The following GLI3 variants were observed in gnomAD, a reference collection of about 807,000 sequenced individuals.
The protein encoded by GLI3 is transcription activator GLI3.
A neutral mutation model predicts 100.8 loss-of-function variants in GLI3; 20 were observed. That is an observed-to-expected ratio of 0.20 (90% CI 0.14 to 0.29). The LOEUF is 0.29. GLI3 is among the 10% of genes least tolerant of loss of function. GLI3 has a pLI of 1.00. For missense variants in GLI3, 2,040 were observed against 2,128.5 expected, an observed-to-expected ratio of 0.96 and a Z score of 0.82; for synonymous variants, 938 against 860.5, an observed-to-expected ratio of 1.09 and a Z score of -1.58.
intron 10 of GLI3, among the ~76,000 whole-genome samples, chr7:42,004,861 T>C (rs2128723102): frequency 6.6e-6 from 1 of 152,338 alleles, no homozygotes; most frequent in South Asian, 2.1e-4. Context: ...GTATATTCTT[T>C]TAAATTTAGT....
chr7:42,261,738 G>A (rs184820138), intron 1 of GLI3, among the ~76,000 whole-genome samples: 6 of 152,332 alleles, frequency 3.9e-5, no homozygotes, highest in African/African-American at 9.6e-5. Flanking sequence ...GATTATAGGT[G>A]CCCTGCAAAG....
At chr7:42,170,648 C>G (rs548068167) in intron 2 of GLI3, among the ~76,000 whole-genome samples, 1 of 151,916 alleles carries the variant, frequency 6.6e-6, no homozygotes, top group African/African-American at 2.4e-5. Context: ...GTGATCCACC[C>G]GCCTTGGCCT....
intron 3 of GLI3, chr7:42,145,258 T>C (rs756751487): frequency 1.5e-5 from 4 of 258,804 alleles, no homozygotes; most frequent in African/African-American, 2.2e-5. Context: ...ATATCCCATA[T>C]GATGCTGAGG....
intron 3 of GLI3, among the ~76,000 whole-genome samples, chr7:42,083,858 A>G (rs1239253343): frequency 6.6e-6 from 1 of 152,242 alleles, no homozygotes; most frequent in Non-Finnish European, 1.5e-5. Flanking sequence ...ACAAGTAGAC[A>G]AATTTCAAGA....
intron 10 of GLI3, among the ~76,000 whole-genome samples, chr7:42,007,938 T>A (rs1006332520): frequency 1.3e-5 from 2 of 152,306 alleles, no homozygotes; most frequent in African/African-American, 4.8e-5. Flanking sequence ...AGTCTTGACC[T>A]AGATGGAGAG....
At chr7:42,191,108 A>C (rs1018180110) in intron 2 of GLI3, among the ~76,000 whole-genome samples, 6 of 152,196 alleles carry the variant, frequency 3.9e-5, no homozygotes, top group African/African-American at 1.4e-4. Flanking sequence ...TCAATGTTAC[A>C]TAAAACAGAA....
At chr7:42,067,512 G>C (rs1157336572) in intron 4 of GLI3, among the ~76,000 whole-genome samples, 1 of 152,148 alleles carries the variant, frequency 6.6e-6, no homozygotes, top group Non-Finnish European at 1.5e-5. Context: ...TGGTGAACTT[G>C]GCAATATTTG....
intron 2 of GLI3, among the ~76,000 whole-genome samples, chr7:42,188,677 G>A (rs1415876222): frequency 6.6e-6 from 1 of 152,148 alleles, no homozygotes; most frequent in East Asian, 1.9e-4. Flanking sequence ...AATGAAATGA[G>A]CTATCAAGTC....
chr7:42,119,122 C>A (rs1785932528), intron 3 of GLI3, among the ~76,000 whole-genome samples: 1 of 152,194 alleles, frequency 6.6e-6, no homozygotes, highest in Admixed American at 6.5e-5. Context: ...AGCACACCAA[C>A]AAGGGAAGCC....
At position 42,012,382 on chromosome 7, in the gene GLI3, C is replaced by T. The variant is rs141010787; in HGVS notation, c.1497+11086G>A. 9.2e-5 allele frequency among the ~76,000 whole-genome samples: 14 copies of T among 152,094 alleles called. No individual in the cohort carries two copies. The East Asian group carries it at 9.7e-4, about 11-fold the overall frequency. The stretch of plus-strand genomic sequence containing the variant: ...TAGAATCCACCTTGCTCCTCTCCCC[C>T]CTCCCTTTTCTTCTTCTCTCTCCTG... On this transcript the variant is annotated intron_variant, in intron 10 of 14. Transcript: ENST00000395925.
At position 42,026,463 on chromosome 7, in the gene GLI3, G is replaced by A. The variant is rs1583805482; in HGVS notation, c.1029-51C>T. ...GATCATCACTTAAACGCTGAGCTCA[G>A]ACAAGTACACAAGATCTGCAGCTTT... On this transcript the variant is annotated intron_variant, in intron 7 of 14. Transcript: ENST00000395925. 2.3e-6 allele frequency: 3 copies of A among 1,331,104 alleles called. No individual in the cohort carries two copies. The Admixed American group carries it at 5.3e-5, about 24-fold the overall frequency. The allele number at this position is 1,331,104 out of a possible 1,614,324, so 82.5% of individuals were successfully genotyped here.
intron 10 of GLI3, among the ~76,000 whole-genome samples, chr7:41,981,452 C>T (rs1787666004): frequency 6.6e-6 from 1 of 152,214 alleles, no homozygotes; most frequent in Non-Finnish European, 1.5e-5. Context: ...AAACCTGGTG[C>T]TACTCAAGGG....
intron 10 of GLI3, among the ~76,000 whole-genome samples, chr7:41,984,158 G>C (rs1297773940): frequency 6.6e-6 from 1 of 152,134 alleles, no homozygotes; most frequent in Non-Finnish European, 1.5e-5. Flanking sequence ...GGAAGAAATG[G>C]GAAAGTGAAG....
intron 3 of GLI3, among the ~76,000 whole-genome samples, chr7:42,093,833 A>G (rs1562725762): frequency 6.6e-6 from 1 of 152,140 alleles, no homozygotes; most frequent in Admixed American, 6.5e-5. Context: ...TCCCCAAAGA[A>G]TAAACACTGT....
intron 2 of GLI3, among the ~76,000 whole-genome samples, chr7:42,172,168 C>T (rs1364015148): frequency 6.6e-6 from 1 of 151,878 alleles, no homozygotes; most frequent in African/African-American, 2.4e-5. Context: ...GTACGTAGGC[C>T]CGTTATCTCC....
chr7:42,084,901 CTTTTTTTTTTTTTT>C (rs747166719), intron 3 of GLI3, among the ~76,000 whole-genome samples: 1 of 47,502 alleles, frequency 2.1e-5, no homozygotes, highest in Non-Finnish European at 3.5e-5. Context: ...CATTTGGATT[CTTTTTTTTTTTTTT>C]TTTTTTTTTT....
At chr7:42,221,304 T>C (rs1189361131) in intron 2 of GLI3, among the ~76,000 whole-genome samples, 1 of 152,148 alleles carries the variant, frequency 6.6e-6, no homozygotes, top group Non-Finnish European at 1.5e-5. Context: ...AACAACAGCA[T>C]CTTCATAAGA....
chr7:42,176,622 T>C (rs1472186085), intron 2 of GLI3, among the ~76,000 whole-genome samples: 1 of 152,248 alleles, frequency 6.6e-6, no homozygotes, highest in Non-Finnish European at 1.5e-5. Context: ...TAAGACAATC[T>C]GCTTCTTTAG....
At chr7:42,090,494 C>T (rs1246240642) in intron 3 of GLI3, among the ~76,000 whole-genome samples, 5 of 152,198 alleles carry the variant, frequency 3.3e-5, no homozygotes, top group Non-Finnish European at 7.3e-5. Flanking sequence ...CCTTCTAAGT[C>T]CTTCTTCCTC....
Sources: gnomAD v4.1 joint callset for allele counts (sites outside exome capture counted in the v4.1 genomes callset) on GRCh38, gnomAD v4.1.1 for gene constraint, MANE v1.5 for transcripts, NCBI Gene and HGNC (gene_info 2026-07-23, HGNC 2026-07-21) for gene names.